The following PASK variants were observed in gnomAD, a reference collection of about 807,000 sequenced individuals.
PASK encodes the protein PAS domain containing serine/threonine kinase.
A neutral mutation model predicts 121.0 loss-of-function variants in PASK; 110 were observed. That is an observed-to-expected ratio of 0.91 (90% confidence interval 0.78 to 1.06). The LOEUF is 1.06. Ranked by LOEUF, PASK falls within the 50% of genes least tolerant of loss-of-function variation. PASK has a pLI of 0.00. For synonymous variants in PASK, 686 were observed against 717.8 expected (o/e 0.96, Z 0.71); for missense variants, 1,643 against 1,702.3 (o/e 0.97, Z 0.61).
intron 7 of PASK, among the ~76,000 whole-genome samples, chr2:241,136,458 A>T (rs182493011): frequency 4.6e-5 from 7 of 152,166 alleles, no homozygotes; most frequent in Non-Finnish European, 8.8e-5. Context: ...GCTCTGACAG[A>T]TGCTTCCTCT....
intron 1 of PASK, among the ~76,000 whole-genome samples, chr2:241,146,595 A>G (rs2066966652): frequency 6.6e-6 from 1 of 152,256 alleles, no homozygotes; most frequent in Non-Finnish European, 1.5e-5. Flanking sequence ...ACAAGGGTGA[A>G]TCTTAGCCAT....
intron 8 of PASK, chr2:241,134,283 A>G (rs1436505681): frequency 6.6e-6 from 1 of 152,248 alleles, no homozygotes; most frequent in Non-Finnish European, 1.5e-5. Context: ...GAATTCTGGA[A>G]AAAGGGGAAG....
chr2:241,137,361 C>T (rs1021418788), intron 6 of PASK, 97 bp from the exon 7 acceptor site: 14 of 955,842 alleles, frequency 1.5e-5, no homozygotes, highest in African/African-American at 4.8e-5. Context: ...CCCACGTCAT[C>T]GGGGAAGGTC....
Position 241,126,256 on chromosome 2 carries a change from G to C in PASK, c.2659C>G (p.Arg887Gly), listed in dbSNP as rs771110790. Residue 887 changes from arginine to glycine, a missense_variant, in exon 10 of 18, where the codon CGG (arginine) becomes GGG (glycine). Transcript: ENST00000234040. ...IVMRGAAGLQ[R>G]EIQEGAYSGS... The stretch of plus-strand genomic sequence containing the variant: ...GAGTAGGCACCCTCCTGGATCTCCC[G>C]CTGCAGGCCAGCAGCCCCGCGCATC... The C allele has an allele frequency of 6.2e-7, 1 of 1,614,088 alleles. No individual in the cohort carries two copies. Among genetic ancestry groups the C allele is most frequent in the Non-Finnish European group, 8.5e-7 (1 of 1,180,020 alleles).
At position 241,123,973 on chromosome 2, in the gene PASK, C is replaced by G. The variant is rs1393766311; in HGVS notation, c.2880G>C (p.Glu960Asp). ...LPGSTHSTAA[E>D]LTGPSLVEVL... ...CTTCCACCAGGCTGGGTCCGGTGAG[C>G]TCAGCAGCGGTAGAGTGGGTGGAGC... Residue 960 changes from glutamate to aspartate, a missense_variant, in exon 11 of 18, where the codon GAG becomes GAC. Coordinates refer to ENST00000234040, the MANE Select transcript of PASK (RefSeq NM_015148.4). 2.5e-6 allele frequency: 4 copies of G among 1,613,766 alleles called. No individual in the cohort carries two copies. The African/African-American group carries it at 4.0e-5, about 16-fold the overall frequency.
chr2:241,106,753 G>A lies in PASK; in HGVS notation c.3815-30C>T, dbSNP rs375810546. ...AGAAACAAGAAGGTAACTGTATCAC[G>A]TGCTAACAACTTAAGGTTCTAAAAT... On this transcript the variant is annotated intron_variant, in intron 17 of 17. Coordinates refer to ENST00000234040, the MANE Select transcript of PASK (RefSeq NM_015148.4). 2.2e-5 allele frequency: 36 copies of A among 1,609,262 alleles called. No individual in the cohort carries two copies. The African/African-American group carries it at 2.8e-4, about 13-fold the overall frequency.
At chr2:241,132,792 A>T in intron 9 of PASK, 82 bp downstream of exon 9, 1 of 1,169,064 alleles carries the variant, frequency 8.6e-7, no homozygotes. Context: ...TAGGCTGAAC[A>T]TTTCTCTCTG....
chr2:241,142,706 T>G (rs2125455462), intron 2 of PASK, 131 bp downstream of exon 2: 1 of 743,154 alleles, frequency 1.3e-6, no homozygotes, highest in South Asian at 1.5e-5. Context: ...GCCGAGCACT[T>G]AAACCACGAA....
At chr2:241,132,441 C>T (rs1481708703) in intron 9 of PASK, among the ~76,000 whole-genome samples, 5 of 135,208 alleles carry the variant, frequency 3.7e-5, no homozygotes, top group African/African-American at 5.4e-5. Context: ...GGTGTGAACC[C>T]GGGAGGCGGA....
chr2:241,136,928 C>A, intron 7 of PASK, 76 bp downstream of exon 7: 1 of 1,398,738 alleles, frequency 7.1e-7, no homozygotes, highest in South Asian at 1.2e-5. Flanking sequence ...AGGCCTGTGC[C>A]ACACGCAAGC....
rs543930416 is a variant in PASK at position 241,140,906 on chromosome 2, G to T, written c.197-153C>A. ...CACAGCTAACACACACTCTCACTGC[G>T]TGTCTGAACATGGTCCCCAGAATCC... is the stretch of plus-strand genomic sequence containing the variant. On this transcript the variant is annotated intron_variant, in intron 2 of 17. Coordinates refer to ENST00000234040, the MANE Select transcript of PASK (RefSeq NM_015148.4). 3 of 679,648 alleles carry T rather than the reference G, an allele frequency of 4.4e-6. No individual in the cohort carries two copies. The African/African-American group carries it at 5.3e-5, about 12-fold the overall frequency. The allele number at this position is 679,648 out of a possible 1,614,324, so 42.1% of individuals were successfully genotyped here. A position where few individuals can be genotyped will look rare whatever the true frequency, so the allele number is the denominator to read the frequency against.
In PASK at chr2:241,108,057, G is replaced by C; in HGVS notation, c.3667+110C>G. 2 of 1,007,706 alleles carry C rather than the reference G, an allele frequency of 2.0e-6. No homozygotes were observed. The highest frequency in any genetic ancestry group is 1.3e-5 in the South Asian group (1 of 78,476). The allele number at this position is 1,007,706 out of a possible 1,614,324, so 62.4% of individuals were successfully genotyped here. Reference sequence around the variant, plus strand: ...TTTGATGAATAGAAAAGAAACAAATGAGACTGTTGATATGGACAGAGATAC... The same window carrying C: ...TTTGATGAATAGAAAAGAAACAAATCAGACTGTTGATATGGACAGAGATAC... On this transcript the variant is annotated intron_variant, in intron 16 of 17. Coordinates refer to ENST00000234040, the MANE Select transcript of PASK (RefSeq NM_015148.4). The surrounding 1 kb of genome is among the most constrained non-coding windows in gnomAD (Gnocchi z 5.2).
chr2:241,139,777 G>T, intron 4 of PASK, 108 bp downstream of exon 4: 1 of 1,051,160 alleles, frequency 9.5e-7, no homozygotes, highest in Non-Finnish European at 1.5e-6. Context: ...GAGATGTCCT[G>T]GTGCCACCCA....
rs777663495 is a variant in PASK at position 241,122,829 on chromosome 2, T to C, written c.2975A>G (p.Glu992Gly). 3 of 1,614,164 alleles carry C rather than the reference T, an allele frequency of 1.9e-6. No homozygotes were observed. In the South Asian group the frequency reaches 3.3e-5, roughly 18 times the overall value. ...AVELEGLAACEGEYSQKYSTM... is the reference protein window; with the variant it reads ...AVELEGLAACGGEYSQKYSTM... ...ACTGTACTTTTGGGAGTACTCGCCC[T>C]CACAGGCCGCCAACCCCTCCAGTTC... Residue 992 changes from glutamate (E) to glycine (G), a missense_variant, in exon 12 of 18, where the codon GAG becomes GGG. Glu to Gly is a moderately conservative substitution (Grantham distance 98, BLOSUM62 -2). Coordinates refer to ENST00000234040, the MANE Select transcript of PASK (RefSeq NM_015148.4).
At chr2:241,115,707 A>C (rs1226347521) in intron 12 of PASK, among the ~76,000 whole-genome samples, 1 of 138,502 alleles carries the variant, frequency 7.2e-6, no homozygotes, top group Non-Finnish European at 1.5e-5. Context: ...CAAGCATCCC[A>C]TTACACCGGG....
intron 9 of PASK, among the ~76,000 whole-genome samples, chr2:241,131,471 T>C (rs191344950): frequency 1.5e-3 from 224 of 152,338 alleles, no homozygotes; most frequent in African/African-American, 4.8e-3. Context: ...TTTTTAAACA[T>C]ACATACATAC....
chr2:241,138,895 C>G, intron 4 of PASK, 101 bp from the exon 5 acceptor site: 2 of 1,097,422 alleles, frequency 1.8e-6, no homozygotes, highest in Admixed American at 3.4e-5. Flanking sequence ...GGCACTGCAA[C>G]GTTTTCAACT....
In PASK at chr2:241,115,382, A is replaced by C; in HGVS notation, c.3104T>G (p.Val1035Gly). 2 of 1,613,746 alleles carry C rather than the reference A, an allele frequency of 1.2e-6. No individual in the cohort carries two copies. The highest frequency in any genetic ancestry group is 1.7e-6 in the Non-Finnish European group (2 of 1,179,776). ...VVVKFIKKEK[V>G]LEDCWIEDPK... ...ATCCTCAATCCAACAATCCTCCAAG[A>C]CCTTCTCCTTCTTAATAAACTTCAC... is the stretch of plus-strand genomic sequence containing the variant. The change falls in exon 13 of 18, where the codon GTC becomes GGC. Residue 1035 changes from valine to glycine, a missense_variant. This residue lies in a region of PASK where 453 missense variants were observed against 511.2 expected (regional missense o/e 0.89). Transcript: ENST00000234040.
Position 241,137,139 on chromosome 2 carries a change from GC to G in PASK, c.1001del (p.Gly334AlafsTer33). 1 of 1,613,880 alleles carries G rather than the reference GC, an allele frequency of 6.2e-7. No homozygotes were observed. Among genetic ancestry groups the G allele is most frequent in the South Asian group, 1.1e-5 (1 of 91,076 alleles). Reference protein sequence around the residue: ...ATTGEAAPVSGYRASVWVFCT... With the variant: ...ATTGEAAPVSXYRASVWVFCT... ...AGAACACCCAGACAGATGCCCGGTA[GC>G]CGCTCACAGGGGCCGCCTCACCGGT... On this transcript the variant is annotated frameshift_variant, in exon 7 of 18. Coordinates refer to ENST00000234040, the MANE Select transcript of PASK (RefSeq NM_015148.4). LOFTEE classifies it high-confidence loss of function.
Sources: gnomAD v4.1 joint callset for allele counts (sites outside exome capture counted in the v4.1 genomes callset) on GRCh38, gnomAD v4.1.1 for gene constraint, gnomAD v4.1.1 regional missense constraint, Gnocchi (gnomAD v3.1) non-coding constraint, MANE v1.5 for transcripts, NCBI Gene and HGNC (gene_info 2026-07-23, HGNC 2026-07-21) for gene names.